The following TNFRSF13B variants were observed in gnomAD, a reference collection of about 807,000 sequenced individuals.
TNFRSF13B encodes TNF receptor superfamily member 13B.
In TNFRSF13B, 34 loss-of-function variants were observed where a neutral mutation model predicts 24.0. The ratio of observed to expected loss-of-function variants is 1.41; its 90% CI spans 1.08 to 1.88. The LOEUF is 1.88. TNFRSF13B is among the 40% of genes most tolerant of loss of function. The pLI, the probability that TNFRSF13B is intolerant of heterozygous loss-of-function variation, is 0.00. For synonymous variants in TNFRSF13B, 173 were observed against 150.3 expected, an observed-to-expected ratio of 1.15 and a Z score of -1.10; for missense variants, 415 against 380.8, an observed-to-expected ratio of 1.09 and a Z score of -0.75.
Position 16,939,598 on chromosome 17 carries a change from A to G in TNFRSF13B, c.831T>C (p.Ser277=), listed in dbSNP as rs11078355. The G allele has an allele frequency of 0.45, 720,487 of 1,612,726 alleles. 168,814 individuals are homozygous for G. Among genetic ancestry groups the G allele is most frequent in the East Asian group, 0.83 (37,077 of 44,812 alleles). ...VLQPCPHIPD[S]GLGIVCVPAQ... Reference sequence around the variant, plus strand: ...CAGGCACACACACAATGCCAAGGCCACTGTCTGGGATGTGTGGGCAAGGCT... The same window carrying G: ...CAGGCACACACACAATGCCAAGGCCGCTGTCTGGGATGTGTGGGCAAGGCT... The change falls in exon 5 of 5, where the codon AGT becomes AGC. Residue 277 remains serine, a synonymous_variant. Transcript: ENST00000261652.
At chr17:16,964,798 G>A (rs2143683692) in intron 1 of TNFRSF13B, among the ~76,000 whole-genome samples, 1 of 152,270 alleles carries the variant, frequency 6.6e-6, no homozygotes, top group East Asian at 1.9e-4. Context: ...ATTCGCCATG[G>A]TTCAGTGACC....
chr17:16,957,492 C>G (rs2143670956), intron 1 of TNFRSF13B, among the ~76,000 whole-genome samples: 2 of 152,144 alleles, frequency 1.3e-5, no homozygotes, highest in East Asian at 3.9e-4. Context: ...TATACTCATT[C>G]AGGAGTCTCA....
chr17:16,963,371 G>A (rs1288014420), intron 1 of TNFRSF13B, among the ~76,000 whole-genome samples: 1 of 152,174 alleles, frequency 6.6e-6, no homozygotes, highest in East Asian at 1.9e-4. Context: ...TTTCCTCCTT[G>A]GTGGGGAGGT....
chr17:16,950,769 C>T (rs1262802612), intron 2 of TNFRSF13B, among the ~76,000 whole-genome samples: 1 of 152,020 alleles, frequency 6.6e-6, no homozygotes, highest in Non-Finnish European at 1.5e-5. Flanking sequence ...CACACCCCTC[C>T]CCTCCCCCGC....
intron 1 of TNFRSF13B, among the ~76,000 whole-genome samples, chr17:16,960,623 C>A (rs1197251823): frequency 6.6e-6 from 1 of 152,024 alleles, no homozygotes; most frequent in Non-Finnish European, 1.5e-5. Context: ...TCAAAATGGA[C>A]TAAGTGCTAA....
rs1406728306 is a variant in TNFRSF13B at position 16,952,552 on chromosome 17, CAT to C, written c.91_92del (p.Met31GlufsTer49). 2 of 1,614,130 alleles carry C rather than the reference CAT, an allele frequency of 1.2e-6. No homozygotes were observed. The highest frequency in any genetic ancestry group is 1.7e-6 in the Non-Finnish European group (2 of 1,180,048). ...AGTACTGCTCTTCGGGGCAGGATCT[CAT>C]AGCCACCCCCGTCCACAGGCCCTGT... ...FPQGLWTGVA[M>X]RSCPEEQYWD... is the part of the protein sequence containing the mutation. On this transcript the variant is annotated frameshift_variant, in exon 2 of 5. Coordinates refer to ENST00000261652, the MANE Select transcript of TNFRSF13B (RefSeq NM_012452.3). LOFTEE classifies it high-confidence loss of function.
intron 3 of TNFRSF13B, among the ~76,000 whole-genome samples, chr17:16,945,938 C>T (rs1164324694): frequency 3.3e-5 from 5 of 152,330 alleles, no homozygotes; most frequent in Admixed American, 2.0e-4. Flanking sequence ...GAGAGGACTG[C>T]GTGCTACTGT....
intron 1 of TNFRSF13B, among the ~76,000 whole-genome samples, chr17:16,956,661 A>C (rs1277018771): frequency 1.3e-5 from 2 of 152,260 alleles, no homozygotes; most frequent in Non-Finnish European, 1.5e-5. Flanking sequence ...TGGTATATTC[A>C]AACAATGGAC....
chr17:16,943,669 C>T (rs1435908014), intron 3 of TNFRSF13B, among the ~76,000 whole-genome samples: 1 of 152,170 alleles, frequency 6.6e-6, no homozygotes, highest in Non-Finnish European at 1.5e-5. Context: ...GCACATAGGG[C>T]CCTCTGTCAT....
intron 1 of TNFRSF13B, among the ~76,000 whole-genome samples, chr17:16,966,196 G>A (rs2087697793): frequency 6.6e-6 from 1 of 151,586 alleles, no homozygotes; most frequent in African/African-American, 2.4e-5. Flanking sequence ...GGAAGTTGCA[G>A]TGAGCCGAGA....
chr17:16,940,006 C>T (rs2087497492), intron 4 of TNFRSF13B: 2 of 961,798 alleles, frequency 2.1e-6, no homozygotes, highest in East Asian at 2.7e-5. Flanking sequence ...GCTCTCACTT[C>T]TGTCCAGCAC....
intron 2 of TNFRSF13B, among the ~76,000 whole-genome samples, chr17:16,951,611 G>A (rs2143661025): frequency 6.6e-6 from 1 of 152,304 alleles, no homozygotes; most frequent in East Asian, 1.9e-4. Context: ...AAGGCAGGCT[G>A]GGTGCAGTGG....
chr17:16,939,442 C>T lies in TNFRSF13B; in HGVS notation c.*105G>A, dbSNP rs1229038060. 2 of 1,353,720 alleles carry T rather than the reference C, an allele frequency of 1.5e-6. No homozygotes were observed. The allele number at this position is 1,353,720 out of a possible 1,614,324, so 83.9% of individuals were successfully genotyped here. On this transcript the variant is annotated 3_prime_UTR_variant, in exon 5 of 5. Transcript: ENST00000261652. ...CCTCTGTTTCTCTCCCTCTCTGCCT[C>T]CTCTGTCTCTCTCTCCTCATATCTC...
chr17:16,948,728 G>A lies in TNFRSF13B; in HGVS notation c.445+10C>T, dbSNP rs368522986. 8 of 1,613,460 alleles carry A rather than the reference G, an allele frequency of 5.0e-6. No homozygotes were observed. Among genetic ancestry groups the A allele is most frequent in the Non-Finnish European group, 5.9e-6 (7 of 1,180,032 alleles). On this transcript the variant is annotated intron_variant, in intron 3 of 4. Transcript: ENST00000261652. ...CGTGACACCATGCAGGTTTGCCTTG[G>A]GTGGCTTACCTGGACTTGCTTCTGA...
At chr17:16,956,585 A>G (rs2087626470) in intron 1 of TNFRSF13B, among the ~76,000 whole-genome samples, 1 of 152,252 alleles carries the variant, frequency 6.6e-6, no homozygotes, top group Admixed American at 6.5e-5. Flanking sequence ...AGAAGTGGTA[A>G]AAAAAGGAAC....
rs1302292264 is a variant in TNFRSF13B at position 16,941,217 on chromosome 17, T to TC, written c.446-707dup. 4 of 987,098 alleles carry TC rather than the reference T, an allele frequency of 4.1e-6. No homozygotes were observed. The South Asian group carries it at 1.9e-4, about 46-fold the overall frequency. 61.1% of individuals were successfully genotyped at this position (987,098 alleles called of 1,614,324 possible). On this transcript the variant is annotated intron_variant, in intron 3 of 4. Transcript: ENST00000261652. Reference sequence around the variant, plus strand: ...TATTTTCCAGCTGCTGTTGGTTGAATCCACAGACATGGGTCGCACGACACA... The same window carrying TC: ...TATTTTCCAGCTGCTGTTGGTTGAATCCCACAGACATGGGTCGCACGACACA...
At chr17:16,964,569 G>A (rs935694209) in intron 1 of TNFRSF13B, among the ~76,000 whole-genome samples, 1 of 152,174 alleles carries the variant, frequency 6.6e-6, no homozygotes, top group Non-Finnish European at 1.5e-5. Flanking sequence ...TCGAACCCCT[G>A]ACCTCAGGTG....
Position 16,957,177 on chromosome 17 carries a change from C to CTTT in TNFRSF13B, c.62-4597_62-4595dup, listed in dbSNP as rs35401230. 3.5e-4 allele frequency among the ~76,000 whole-genome samples: 48 copies of CTTT among 135,732 alleles called. No individual in the cohort carries two copies. The East Asian group carries it at 7.8e-3, about 22-fold the overall frequency. The allele number at this position is 135,732 out of a possible 152,430, so 89.0% of individuals were successfully genotyped here. A position where few individuals can be genotyped will look rare whatever the true frequency, so the allele number is the denominator to read the frequency against. On this transcript the variant is annotated intron_variant, in intron 1 of 4. Transcript: ENST00000261652. ...AGCCTAAAAATGCTCTAAAAGTAGT[C>CTTT]TTTTTTTTTTTTTTAAAGAACCATA...
At chr17:16,943,701 T>C (rs577146574) in intron 3 of TNFRSF13B, among the ~76,000 whole-genome samples, 30 of 152,268 alleles carry the variant, frequency 2.0e-4, no homozygotes, top group Non-Finnish European at 1.8e-4. Flanking sequence ...TCCCTCCTAG[T>C]GCCATCTCCA....
Sources: gnomAD v4.1 joint callset for allele counts (sites outside exome capture counted in the v4.1 genomes callset) on GRCh38, gnomAD v4.1.1 for gene constraint, MANE v1.5 for transcripts, NCBI Gene and HGNC (gene_info 2026-07-23, HGNC 2026-07-21) for gene names.